HNRNPDL: variants seen among roughly 807,000 people sequenced by gnomAD.
The protein encoded by HNRNPDL is heterogeneous nuclear ribonucleoprotein D like, also known as heterogeneous nuclear ribonucleoprotein D-like.
In HNRNPDL, 18 loss-of-function variants were observed where a neutral mutation model predicts 48.0. The ratio of observed to expected loss-of-function variants is 0.38; its 90% CI spans 0.26 to 0.56. HNRNPDL has a LOEUF of 0.56. Ranked by LOEUF, HNRNPDL falls within the 20% of genes least tolerant of loss-of-function variation. HNRNPDL has a pLI of 0.77. For synonymous variants in HNRNPDL, 306 were observed against 207.3 expected (o/e 1.48, Z -4.09); for missense variants, 553 against 540.7 (o/e 1.02, Z -0.23).
chr4:82,429,464 T>G lies in HNRNPDL; in HGVS notation c.227A>C (p.Lys76Thr). The change falls in exon 1 of 8, where the codon AAG (lysine) becomes ACG (threonine). Residue 76 changes from lysine to threonine, a missense_variant. Around this residue, in one of 4 missense-constraint regions of HNRNPDL, gnomAD observed 327 missense variants for 203.2 expected, o/e 1.61. Coordinates refer to ENST00000295470, the MANE Select transcript of HNRNPDL (RefSeq NM_031372.4). ...ATCCGGGCGCCGCCTGCGCCCTCCC[T>G]TTATAGCCGCCCCGCCCGCCAATCG... Reference protein sequence around the residue: ...PSRLAGGAAIKGGRRRRPDLF... With the variant: ...PSRLAGGAAITGGRRRRPDLF... 6.3e-7 allele frequency: 1 copy of G among 1,593,766 alleles called. No individual in the cohort carries two copies. The highest frequency in any genetic ancestry group is 8.5e-7 in the Non-Finnish European group (1 of 1,170,036).
At chr4:82,429,136 C>A (rs900296017) in intron 1 of HNRNPDL, 112 bp downstream of exon 1, 2 of 985,906 alleles carry the variant, frequency 2.0e-6, no homozygotes, top group Non-Finnish European at 3.2e-6. Context: ...GCCCAGAAGG[C>A]ACGCGGGGAA....
At chr4:82,427,071 T>TC (rs1721442229) in intron 5 of HNRNPDL, 119 bp downstream of exon 5, 3 of 783,402 alleles carry the variant, frequency 3.8e-6, no homozygotes, top group African/African-American at 3.5e-5. Flanking sequence ...AGCTGAACAG[T>TC]CCCCCCTCCG....
chr4:82,427,614 C>T, intron 3 of HNRNPDL, 50 bp from the exon 4 acceptor site: 1 of 1,583,728 alleles, frequency 6.3e-7, no homozygotes, highest in Non-Finnish European at 8.6e-7. Context: ...TAAAACGTTA[C>T]AGTGTCAGAA....
intron 1 of HNRNPDL, among the ~76,000 whole-genome samples, chr4:82,428,750 A>G (rs1380895051): frequency 6.6e-6 from 1 of 152,188 alleles, no homozygotes; most frequent in Non-Finnish European, 1.5e-5. Flanking sequence ...AATCCCTCAC[A>G]TCTTATCTTA....
In HNRNPDL at chr4:82,428,081, C is replaced by A. The variant is rs772467150; in HGVS notation, c.711G>T (p.Val237=). 29 of 1,614,158 alleles carry A rather than the reference C, an allele frequency of 1.8e-5. No individual in the cohort carries two copies. Among genetic ancestry groups the A allele is most frequent in the Middle Eastern group, 1.6e-4 (1 of 6,062 alleles). ...KGKEPPKKVF[V]GGLSPDTSEE... Reference sequence around the variant, plus strand: ...CAGAAGTATCCGGGCTCAATCCACCCACAAAAACCTTTTTGGGAGGTTCTT... The same window carrying A: ...CAGAAGTATCCGGGCTCAATCCACCAACAAAAACCTTTTTGGGAGGTTCTT... The change falls in exon 3 of 8, where the codon GTG becomes GTT. Residue 237 remains valine, a synonymous_variant. Coordinates refer to ENST00000295470, the MANE Select transcript of HNRNPDL (RefSeq NM_031372.4).
At chr4:82,425,980 A>G in intron 7 of HNRNPDL, 57 bp downstream of exon 7, 7 of 1,136,674 alleles carry the variant, frequency 6.2e-6, no homozygotes, top group Non-Finnish European at 9.3e-6. Flanking sequence ...TCATTTGTCT[A>G]TTGATCTTTA....
chr4:82,426,242 ATT>A (rs1721401726), intron 6 of HNRNPDL, 113 bp from the exon 7 acceptor site: 1 of 1,037,836 alleles, frequency 9.6e-7, no homozygotes, highest in South Asian at 1.3e-5. Context: ...GTATTAAGAT[ATT>A]TTAGCACCCA....
Position 82,429,540 on chromosome 4 carries a change from G to T in HNRNPDL, c.151C>A (p.Arg51=), listed in dbSNP as rs756961811. 2.0e-5 allele frequency: 29 copies of T among 1,476,540 alleles called. 1 individual carries two copies. In the South Asian group the frequency reaches 3.5e-4, roughly 18 times the overall value. 91.5% of individuals were successfully genotyped at this position (1,476,540 alleles called of 1,614,324 possible). A position where few individuals can be genotyped will look rare whatever the true frequency, so the allele number is the denominator to read the frequency against. Reference sequence around the variant, plus strand: ...CGCTGGGCCCGGCGCGCCCCCTGCCGGGCGGAGCTGGGAGCGAGCGAAGGG... The same window carrying T: ...CGCTGGGCCCGGCGCGCCCCCTGCCTGGCGGAGCTGGGAGCGAGCGAAGGG... ...LLPSLAPSSA[R]QGARRAQRHV... Residue 51 remains arginine (R), a synonymous_variant, in exon 1 of 8, where the codon CGG becomes AGG. Transcript: ENST00000295470.
At position 82,424,816 on chromosome 4, in the gene HNRNPDL, C is replaced by T. The variant is rs1415747701; in HGVS notation, c.*90G>A. On this transcript the variant is annotated 3_prime_UTR_variant, in exon 8 of 8. Transcript: ENST00000295470. ...ACTAGAAAGTCTTTTACAAAATAAT[C>T]ATCTTAGATCAACAGAAGACCAATC... 6 of 152,196 alleles carry T rather than the reference C, an allele frequency of 3.9e-5. No individual in the cohort carries two copies. The highest frequency in any genetic ancestry group is 8.8e-5 in the Non-Finnish European group (6 of 68,014). The allele number at this position is 152,196 out of a possible 1,614,324, so 9.4% of individuals were successfully genotyped here.
intron 5 of HNRNPDL, among the ~76,000 whole-genome samples, chr4:82,426,930 C>A (rs1361755168): frequency 3.3e-5 from 5 of 152,168 alleles, no homozygotes; most frequent in African/African-American, 1.2e-4. Context: ...ACCTATCACA[C>A]CACGGTGTAT....
At chr4:82,428,880 T>C (rs1721539073) in intron 1 of HNRNPDL, among the ~76,000 whole-genome samples, 1 of 152,164 alleles carries the variant, frequency 6.6e-6, no homozygotes, top group Admixed American at 6.5e-5. Context: ...CTCAGTCCTC[T>C]AAAACTCTTC....
In HNRNPDL at chr4:82,427,130, T is replaced by A. The variant is rs576525626; in HGVS notation, c.1021+60A>T. 1.7e-5 allele frequency: 18 copies of A among 1,080,330 alleles called. No homozygotes were observed. The Admixed American group carries it at 2.7e-4, about 16-fold the overall frequency. The allele number at this position is 1,080,330 out of a possible 1,614,324, so 66.9% of individuals were successfully genotyped here. A position where few individuals can be genotyped will look rare whatever the true frequency, so the allele number is the denominator to read the frequency against. Reference sequence around the variant, plus strand: ...TTTTGCTTTGGTACAGGACTACTCATATTCAGCAGTATACAGCTTAAATAA... The same window carrying A: ...TTTTGCTTTGGTACAGGACTACTCAAATTCAGCAGTATACAGCTTAAATAA... On this transcript the variant is annotated intron_variant, in intron 5 of 7. Transcript: ENST00000295470.
At chr4:82,425,470 A>G (rs1321193687) in intron 7 of HNRNPDL, 1 of 152,820 alleles carries the variant, frequency 6.5e-6, no homozygotes, top group Non-Finnish European at 1.5e-5. Flanking sequence ...AAGTTTAGAC[A>G]CTTAATCTCC....
chr4:82,426,992 C>T (rs1721438852), intron 5 of HNRNPDL, among the ~76,000 whole-genome samples, 198 bp downstream of exon 5: 3 of 152,116 alleles, frequency 2.0e-5, no homozygotes, highest in South Asian at 4.1e-4. Context: ...GTCAAAGTGG[C>T]CACACTTTTA....
At chr4:82,427,602 T>A (rs528529238) in intron 3 of HNRNPDL, 38 bp from the exon 4 acceptor site, 1 of 1,596,570 alleles carries the variant, frequency 6.3e-7, no homozygotes, top group South Asian at 1.1e-5. Flanking sequence ...ATCCCATAAT[T>A]GTAAAACGTT....
intron 1 of HNRNPDL, among the ~76,000 whole-genome samples, 187 bp downstream of exon 1, chr4:82,429,061 T>C (rs1721557231): frequency 6.7e-6 from 1 of 149,930 alleles, no homozygotes; most frequent in African/African-American, 2.5e-5. Flanking sequence ...CTTCCCCCAC[T>C]CTTCCCGGGT....
rs1721669861 is a variant in HNRNPDL, at chr4:82,430,173, C to G, written c.-483G>C. 2 of 152,270 alleles carry G rather than the reference C, an allele frequency of 1.3e-5. No individual in the cohort carries two copies. The highest frequency in any genetic ancestry group is 4.8e-5 in the African/African-American group (2 of 41,424). 9.4% of individuals were successfully genotyped at this position (152,270 alleles called of 1,614,324 possible). On this transcript the variant is annotated 5_prime_UTR_variant, in exon 1 of 8. Coordinates refer to ENST00000295470, the MANE Select transcript of HNRNPDL (RefSeq NM_031372.4). ...ACCACGGGCGCGCGGGCCAAGGGGG[C>G]GCGGCGGGGCCTCCCGGGCTGATCG...
At position 82,429,744 on chromosome 4, in the gene HNRNPDL, A is replaced by G; in HGVS notation, c.-54T>C. On this transcript the variant is annotated 5_prime_UTR_variant, in exon 1 of 8. Transcript: ENST00000295470. ...ACGCGTGAGGGGACGCGGGCTTGGG[A>G]GAAGAGAAGAATCAGAAGAGAAAAA... 7.9e-7 allele frequency: 1 copy of G among 1,269,698 alleles called. No individual in the cohort carries two copies. The highest frequency in any genetic ancestry group is 2.2e-5 in the South Asian group (1 of 44,956). The allele number at this position is 1,269,698 out of a possible 1,614,324, so 78.7% of individuals were successfully genotyped here.
At position 82,428,183 on chromosome 4, in the gene HNRNPDL, C is replaced by G; in HGVS notation, c.613-4G>C. On this transcript the variant is annotated splice_polypyrimidine_tract_variant and splice_region_variant and intron_variant, in intron 2 of 7. Transcript: ENST00000295470. ...TGTGTTCTTTCAGTTCCAAAACCTA[C>G]AAGACAGATTTATTTAATCTGACAG... 6.2e-7 allele frequency: 1 copy of G among 1,613,428 alleles called. No homozygotes were observed. The highest frequency in any genetic ancestry group is 8.5e-7 in the Non-Finnish European group (1 of 1,179,718).
Sources: allele counts gnomAD v4.1 joint callset (sites outside exome capture counted in the v4.1 genomes callset), GRCh38; gene constraint gnomAD v4.1.1; regional missense constraint gnomAD v4.1.1; transcripts MANE v1.5; gene names NCBI Gene and HGNC (gene_info 2026-07-23, HGNC 2026-07-21).